SLC14A2: variants seen among roughly 807,000 people sequenced by gnomAD.
SLC14A2 encodes solute carrier family 14 member 2, also known as urea transporter 2.
A neutral mutation model predicts 104.6 loss-of-function variants in SLC14A2; 91 were observed. The observed-to-expected ratio is 0.87, with a 90% CI of 0.73 to 1.04. The LOEUF (loss-of-function observed/expected upper bound fraction) is 1.04. Among genes scored for constraint, SLC14A2 ranks in the 50% least tolerant of loss-of-function variants. The pLI is 0.00. For synonymous variants in SLC14A2, 476 were observed against 466.4 expected (o/e 1.02, Z -0.27); for missense variants, 1,189 against 1,156.0 (o/e 1.03, Z -0.41).
chr18:45,234,142 GC>G (rs1479437311), intron 1 of SLC14A2, among the ~76,000 whole-genome samples: 4 of 151,992 alleles, frequency 2.6e-5, no homozygotes, highest in South Asian at 2.1e-4. Flanking sequence ...TCCTTAACCT[GC>G]CCAGCACCAG....
chr18:45,234,093 T>C (rs1403443053), intron 1 of SLC14A2, among the ~76,000 whole-genome samples: 3 of 152,024 alleles, frequency 2.0e-5, no homozygotes, highest in Non-Finnish European at 4.4e-5. Context: ...ATTCTTCCTG[T>C]TTGAAAAATT....
At chr18:45,354,208 G>C (rs1355399048) in intron 1 of SLC14A2, among the ~76,000 whole-genome samples, 5 of 152,270 alleles carry the variant, frequency 3.3e-5, no homozygotes, top group Non-Finnish European at 7.4e-5. Flanking sequence ...GCTTATCTAA[G>C]CTATTGATGT....
chr18:45,604,160 T>G (rs745967944), intron 2 of SLC14A2, among the ~76,000 whole-genome samples: 13 of 152,178 alleles, frequency 8.5e-5, no homozygotes, highest in Non-Finnish European at 1.8e-4. Context: ...ATCCCCGTGG[T>G]TTATTGACTG....
chr18:45,188,092 T>G, the SLC14A2 span, among the ~76,000 whole-genome samples: 8 of 152,102 alleles, frequency 5.3e-5, no homozygotes, highest in Admixed American at 1.3e-4. Flanking sequence ...TGTGAGAAAC[T>G]AAACAATTGA....
At chr18:45,194,291 C>T in the SLC14A2 span, among the ~76,000 whole-genome samples, 1 of 152,238 alleles carries the variant, frequency 6.6e-6, no homozygotes, top group East Asian at 1.9e-4. Flanking sequence ...AGGGAGAAAG[C>T]CTTTAAATCT....
chr18:45,609,731 C>A (rs530110999), intron 2 of SLC14A2, among the ~76,000 whole-genome samples: 1 of 152,312 alleles, frequency 6.6e-6, no homozygotes, highest in African/African-American at 2.4e-5. Context: ...ATTTCAGTAA[C>A]TGAGCAAGAC....
intron 1 of SLC14A2, among the ~76,000 whole-genome samples, chr18:45,437,325 T>C (rs2086612982): frequency 6.7e-6 from 1 of 149,110 alleles, no homozygotes; most frequent in Non-Finnish European, 1.5e-5. Flanking sequence ...AGGCACATCC[T>C]TGTTTCCAGA....
intron 1 of SLC14A2, among the ~76,000 whole-genome samples, chr18:45,263,633 G>A (rs1306755367): frequency 6.6e-6 from 1 of 152,018 alleles, no homozygotes; most frequent in African/African-American, 2.4e-5. Context: ...AATTCTTCTG[G>A]AAGGAAGAGC....
At chr18:45,593,920 C>T (rs1260089143) in intron 2 of SLC14A2, among the ~76,000 whole-genome samples, 1 of 152,202 alleles carries the variant, frequency 6.6e-6, no homozygotes, top group Non-Finnish European at 1.5e-5. Flanking sequence ...CATTTTCCCC[C>T]ACTTCTGGCC....
At chr18:45,315,821 T>A (rs776893002) in intron 1 of SLC14A2, among the ~76,000 whole-genome samples, 4 of 152,222 alleles carry the variant, frequency 2.6e-5, no homozygotes, top group Admixed American at 6.5e-5. Context: ...GAAGGAAATA[T>A]GTGGAGCTAA....
At chr18:45,611,474 G>A (rs2044970548), upstream of SLC14A2, among the ~76,000 whole-genome samples, 1 of 152,216 alleles carries the variant, frequency 6.6e-6, no homozygotes, top group Non-Finnish European at 1.5e-5. Flanking sequence ...CCAAAAGGAA[G>A]GAGAAGGTCT....
intron 1 of SLC14A2, among the ~76,000 whole-genome samples, chr18:45,475,318 G>A (rs1168081637): frequency 2.6e-5 from 4 of 151,920 alleles, no homozygotes; most frequent in East Asian, 1.9e-4. Flanking sequence ...GAATAAGTGC[G>A]ATGTGGTGTT....
chr18:45,363,466 C>A (rs2085635473), intron 1 of SLC14A2, among the ~76,000 whole-genome samples: 1 of 152,100 alleles, frequency 6.6e-6, no homozygotes, highest in Admixed American at 6.5e-5. Context: ...AACTTGGAGA[C>A]AATGCCACTG....
the SLC14A2 span, among the ~76,000 whole-genome samples, chr18:45,182,153 T>C: frequency 1.3e-5 from 2 of 151,910 alleles, no homozygotes; most frequent in African/African-American, 4.8e-5. Context: ...GAGAGTAAAA[T>C]AGTATGTATA....
At chr18:45,289,664 G>T (rs1179503148) in intron 1 of SLC14A2, among the ~76,000 whole-genome samples, 4 of 152,148 alleles carry the variant, frequency 2.6e-5, no homozygotes, top group Admixed American at 2.0e-4. Context: ...GTGTCTCCTT[G>T]TCTATCCCAA....
chr18:45,390,786 G>T (rs146164390), intron 1 of SLC14A2, among the ~76,000 whole-genome samples: 1 of 152,132 alleles, frequency 6.6e-6, no homozygotes, highest in Non-Finnish European at 1.5e-5. Flanking sequence ...CACCCAGATC[G>T]TATAATGCTC....
At chr18:45,408,633 C>G (rs1314228378) in intron 1 of SLC14A2, among the ~76,000 whole-genome samples, 1 of 152,048 alleles carries the variant, frequency 6.6e-6, no homozygotes, top group African/African-American at 2.4e-5. Flanking sequence ...ATTAATGAGG[C>G]CATTAATTAA....
At chr18:45,599,891 T>A (rs759502693) in intron 2 of SLC14A2, among the ~76,000 whole-genome samples, 1 of 152,042 alleles carries the variant, frequency 6.6e-6, no homozygotes, top group Non-Finnish European at 1.5e-5. Context: ...TTATAAACCA[T>A]CAGATCTCGT....
intron 2 of SLC14A2, among the ~76,000 whole-genome samples, chr18:45,532,171 C>T (rs2043703037): frequency 6.6e-6 from 1 of 152,142 alleles, no homozygotes; most frequent in African/African-American, 2.4e-5. Context: ...TTAGGATTGA[C>T]TTGGCAGTGC....
Sources: gnomAD v4.1 joint callset for allele counts (sites outside exome capture counted in the v4.1 genomes callset) on GRCh38, gnomAD v4.1.1 for gene constraint, MANE v1.5 for transcripts, NCBI Gene and HGNC (gene_info 2026-07-23, HGNC 2026-07-21) for gene names.